Variants in MRAS observed in about 807,000 individuals in gnomAD.
MRAS encodes muscle RAS oncogene homolog.
MRAS carries 4 observed loss-of-function variants against 20.9 expected under a neutral mutation model. The observed-to-expected ratio is 0.19, with a 90% confidence interval of 0.09 to 0.44. The LOEUF (loss-of-function observed/expected upper bound fraction) is 0.44, where lower values mean the gene tolerates loss of function less well. Among genes scored for constraint, MRAS ranks in the 20% least tolerant of loss-of-function variants. MRAS has a pLI of 0.99. For synonymous variants in MRAS, 98 were observed against 102.9 expected (o/e 0.95, Z 0.29); for missense variants, 154 against 277.5 (o/e 0.56, Z 3.16).
chr3:138,395,185 C>T (rs1253225821), intron 2 of MRAS, among the ~76,000 whole-genome samples: 2 of 151,984 alleles, frequency 1.3e-5, no homozygotes, highest in Non-Finnish European at 2.9e-5. Flanking sequence ...GGATTGCAGG[C>T]GCTCGACACC....
intron 1 of MRAS, among the ~76,000 whole-genome samples, chr3:138,352,030 T>C (rs1036444864): frequency 1.3e-5 from 2 of 152,206 alleles, no homozygotes; most frequent in African/African-American, 2.4e-5. Flanking sequence ...CAGTGCAGTG[T>C]GAGAGGGCAG....
In MRAS at chr3:138,398,561, AAC is replaced by A; in HGVS notation, c.444_445del (p.His148GlnfsTer22). On this transcript the variant is annotated frameshift_variant, in exon 4 of 6. Coordinates refer to ENST00000423968, the MANE Select transcript of MRAS (RefSeq NM_001085049.3). LOFTEE classifies it high-confidence loss of function. ...GAGCAAGGAAAAGAAATGGCGACCA[AAC>A]ACAATGTAGGTGTGTGCGTGTGTGT... 5 of 1,614,114 alleles carry A rather than the reference AAC, an allele frequency of 3.1e-6. No homozygotes were observed. The highest frequency in any genetic ancestry group is 4.2e-6 in the Non-Finnish European group (5 of 1,179,970).
At chr3:138,350,829 G>T (rs1409239443) in intron 1 of MRAS, among the ~76,000 whole-genome samples, 1 of 151,642 alleles carries the variant, frequency 6.6e-6, no homozygotes, top group Non-Finnish European at 1.5e-5. Context: ...TGTAGTCTTA[G>T]CTACTTGGGA....
chr3:138,396,039 T>C (rs1171230099), intron 2 of MRAS, among the ~76,000 whole-genome samples: 6 of 152,114 alleles, frequency 3.9e-5, no homozygotes, highest in Non-Finnish European at 8.8e-5. Context: ...GGGCTGGGGT[T>C]GGTCCTGGGG....
intron 1 of MRAS, among the ~76,000 whole-genome samples, chr3:138,368,766 C>T (rs925302746): frequency 6.6e-6 from 1 of 152,146 alleles, no homozygotes; most frequent in Non-Finnish European, 1.5e-5. Flanking sequence ...GACTTTTCGT[C>T]GTAGCCTGTG....
intron 2 of MRAS, among the ~76,000 whole-genome samples, chr3:138,391,070 G>T (rs892935613): frequency 2.0e-5 from 3 of 152,056 alleles, no homozygotes; most frequent in Admixed American, 6.5e-5. Flanking sequence ...TCCTTTGAAA[G>T]AATCTGCTTT....
chr3:138,400,541 A>G lies in MRAS; in HGVS notation c.455A>G (p.Tyr152Cys), dbSNP rs745920937. ...TTGAGCTTTGCCTTCCAGATTCCGT[A>G]CATAGAAACCAGTGCCAAGGACCCA... ...KEMATKHNIP[Y>C]IETSAKDPPL... Residue 152 changes from tyrosine to cysteine, a missense_variant, in exon 5 of 6, where the codon TAC becomes TGC. Physicochemically the swap from Tyr to Cys is radical, Grantham distance 194. Coordinates refer to ENST00000423968, the MANE Select transcript of MRAS (RefSeq NM_001085049.3). 6.2e-7 allele frequency: 1 copy of G among 1,612,322 alleles called. No homozygotes were observed. Among genetic ancestry groups the G allele is most frequent in the Non-Finnish European group, 8.5e-7 (1 of 1,178,332 alleles).
intron 2 of MRAS, among the ~76,000 whole-genome samples, chr3:138,391,927 C>T (rs1023386167): frequency 2.4e-4 from 36 of 152,272 alleles, no homozygotes; most frequent in Middle Eastern, 3.4e-3. Flanking sequence ...ATCACGAGGT[C>T]AGGAGATTGA....
At chr3:138,362,736 C>G (rs558623848) in intron 1 of MRAS, among the ~76,000 whole-genome samples, 2 of 152,168 alleles carry the variant, frequency 1.3e-5, no homozygotes, top group Non-Finnish European at 2.9e-5. Context: ...CAGCCTTGGG[C>G]ACTTGTTTTT....
At chr3:138,398,158 G>A (rs925712479) in intron 3 of MRAS, among the ~76,000 whole-genome samples, 4 of 152,184 alleles carry the variant, frequency 2.6e-5, no homozygotes, top group African/African-American at 9.7e-5. Flanking sequence ...TGTGTGGTTG[G>A]TACATCTGAG....
In MRAS at chr3:138,398,425, G is replaced by A. The variant is rs182138656; in HGVS notation, c.348-44G>A. ...ATGTGCCACCTTAACCAGGTGTGAG[G>A]GGTGGTGGAAACCTCACAGAGCTGC... On this transcript the variant is annotated intron_variant, in intron 3 of 5. Transcript: ENST00000423968. 136 of 1,537,108 alleles carry A rather than the reference G, an allele frequency of 8.8e-5. No individual in the cohort carries two copies. In the Admixed American group the frequency reaches 1.5e-3, roughly 17 times the overall value.
intron 2 of MRAS, among the ~76,000 whole-genome samples, chr3:138,383,310 A>C (rs2054943073): frequency 6.6e-6 from 1 of 152,106 alleles, no homozygotes; most frequent in South Asian, 2.1e-4. Flanking sequence ...GATTGCTTTA[A>C]TGTGATATAT....
At chr3:138,374,985 G>T (rs1376283499) in intron 2 of MRAS, among the ~76,000 whole-genome samples, 1 of 152,076 alleles carries the variant, frequency 6.6e-6, no homozygotes, top group Admixed American at 6.6e-5. Context: ...GGGCTCAAGA[G>T]ATCTTCTTGC....
intron 1 of MRAS, among the ~76,000 whole-genome samples, chr3:138,351,850 G>A (rs1459844126): frequency 6.6e-6 from 1 of 152,156 alleles, no homozygotes; most frequent in East Asian, 1.9e-4. Flanking sequence ...GAAGCCCAGG[G>A]AACGTTGATG....
At chr3:138,386,506 G>A (rs1413789623) in intron 2 of MRAS, among the ~76,000 whole-genome samples, 1 of 152,026 alleles carries the variant, frequency 6.6e-6, no homozygotes, top group Non-Finnish European at 1.5e-5. Context: ...TTTTTGAGAT[G>A]GAGTTTCACT....
chr3:138,356,696 A>G (rs2108497149), intron 1 of MRAS, among the ~76,000 whole-genome samples: 1 of 152,300 alleles, frequency 6.6e-6, no homozygotes, highest in South Asian at 2.1e-4. Context: ...AAAAACTTCT[A>G]TGAGCTATGC....
At chr3:138,366,631 G>A (rs932222819) in intron 1 of MRAS, among the ~76,000 whole-genome samples, 3 of 152,200 alleles carry the variant, frequency 2.0e-5, no homozygotes, top group Non-Finnish European at 2.9e-5. Context: ...ATAGTGAATC[G>A]TGAAGACGCT....
intron 2 of MRAS, among the ~76,000 whole-genome samples, chr3:138,390,426 A>G (rs977667241): frequency 1.1e-4 from 17 of 151,964 alleles, no homozygotes; most frequent in African/African-American, 3.1e-4. Context: ...GTCTCTGTCT[A>G]TCTGTCTGTC....
chr3:138,387,869 A>C (rs1047473528), intron 2 of MRAS, among the ~76,000 whole-genome samples: 1 of 152,164 alleles, frequency 6.6e-6, no homozygotes, highest in Non-Finnish European at 1.5e-5. Context: ...GCCTTGTGAA[A>C]ACTTATCCCA....
Sources: gnomAD v4.1 joint callset for allele counts (sites outside exome capture counted in the v4.1 genomes callset) on GRCh38, gnomAD v4.1.1 for gene constraint, MANE v1.5 for transcripts, NCBI Gene and HGNC (gene_info 2026-07-23, HGNC 2026-07-21) for gene names.